ILK: variants seen among roughly 807,000 people sequenced by gnomAD.
ILK encodes the protein integrin linked kinase, also known as scaffold protein ILK.
Under a neutral mutation model 57.8 loss-of-function variants are expected in ILK, and 37 were observed. The observed-to-expected ratio is 0.64, with a 90% CI of 0.49 to 0.84. The LOEUF (loss-of-function observed/expected upper bound fraction) is 0.84. ILK is among the 40% of genes least tolerant of loss of function. ILK has a pLI of 0.00. For synonymous variants in ILK, 231 were observed against 202.2 expected (o/e 1.14, Z -1.21); for missense variants, 528 against 595.7 (o/e 0.89, Z 1.18).
At position 6,609,543 on chromosome 11, in the gene ILK, C is replaced by G; in HGVS notation, c.760C>G (p.Leu254Val). The G allele has an allele frequency of 1.9e-6, 3 of 1,614,180 alleles. No individual in the cohort carries two copies. The highest frequency in any genetic ancestry group is 2.5e-6 in the Non-Finnish European group (3 of 1,180,028). ...CTCGCATCCAAATGTGCTCCCAGTGCTAGGTGCCTGCCAGTCTCCACCTGC... is the reference window on the plus strand; with the variant it reads ...CTCGCATCCAAATGTGCTCCCAGTGGTAGGTGCCTGCCAGTCTCCACCTGC... ...IFSHPNVLPV[L>V]GACQSPPAPH... Residue 254 changes from leucine to valine, a missense_variant, in exon 9 of 13, where the codon CTA (leucine) becomes GTA (valine). By Grantham distance (32) the Leu-to-Val change is conservative. Coordinates refer to ENST00000299421, the MANE Select transcript of ILK (RefSeq NM_004517.4).
rs1327210641 is a variant in ILK at position 6,609,942 on chromosome 11, G to A, written c.985G>A (p.Glu329Lys). 2 of 1,614,128 alleles carry A rather than the reference G, an allele frequency of 1.2e-6. No individual in the cohort carries two copies. Among genetic ancestry groups the A allele is most frequent in the South Asian group, 1.1e-5 (1 of 91,090 alleles). ...TCTGTTTTCTCTTCCTCAGATTGAT[G>A]AGGACATGACTGCCCGAATTAGCAT... is the stretch of plus-strand genomic sequence containing the variant. ...ALNSRSVMID[E>K]DMTARISMAD... Residue 329 changes from glutamate to lysine, a missense_variant, in exon 11 of 13, where the codon GAG becomes AAG. Glu to Lys is a moderately conservative substitution (Grantham distance 56). Transcript: ENST00000299421.
chr11:6,608,457 G>A lies in ILK; in HGVS notation c.319G>A (p.Ala107Thr). 1 of 1,614,124 alleles carries A rather than the reference G, an allele frequency of 6.2e-7. No individual in the cohort carries two copies. Among genetic ancestry groups the A allele is most frequent in the African/African-American group, 1.3e-5 (1 of 75,066 alleles). Residue 107 changes from alanine to threonine, a missense_variant, in exon 4 of 13, where the codon GCC (alanine) becomes ACC (threonine). Transcript: ENST00000299421. This position sits in a 1 kb window ranked among gnomAD's most constrained non-coding sequence, Gnocchi z 4.9. ...NEHGNVPLHYACFWGQDQVAE... is the reference protein window; with the variant it reads ...NEHGNVPLHYTCFWGQDQVAE... Reference sequence around the variant, plus strand: ...ACACGGGAATGTGCCCCTGCACTATGCCTGTTTTTGGGGCCAAGATCAAGT... The same window carrying A: ...ACACGGGAATGTGCCCCTGCACTATACCTGTTTTTGGGGCCAAGATCAAGT...
intron 2 of ILK, chr11:6,604,888 A>G (rs765298466): frequency 8.8e-6 from 4 of 456,438 alleles, no homozygotes; most frequent in South Asian, 6.2e-5. Flanking sequence ...GCAGGTGGAA[A>G]GGAGGCAATT....
chr11:6,610,052 T>C lies in ILK; in HGVS notation c.1078+17T>C. On this transcript the variant is annotated intron_variant, in intron 11 of 12. Coordinates refer to ENST00000299421, the MANE Select transcript of ILK (RefSeq NM_004517.4). ...CCCCCGAAGGTGAGTGAAGTCATCA[T>C]GTCGGGAGGTAAAAAAGGACCACCT... 2.5e-6 allele frequency: 4 copies of C among 1,614,102 alleles called. No homozygotes were observed. Among genetic ancestry groups the C allele is most frequent in the Non-Finnish European group, 3.4e-6 (4 of 1,179,968 alleles).
chr11:6,604,141 A>T, intron 1 of ILK, 39 bp from the exon 2 acceptor site: 1 of 829,908 alleles, frequency 1.2e-6, no homozygotes, highest in Non-Finnish European at 2.0e-6. Context: ...GACGCAGCTC[A>T]GGCCCCCTAC....
chr11:6,604,416 G>T lies in ILK; in HGVS notation c.89+56G>T. 3 of 1,464,570 alleles carry T rather than the reference G, an allele frequency of 2.0e-6. 1 individual carries two copies. Among genetic ancestry groups the T allele is most frequent in the South Asian group, 2.4e-5 (2 of 82,902 alleles). The allele number at this position is 1,464,570 out of a possible 1,614,324, so 90.7% of individuals were successfully genotyped here. A position where few individuals can be genotyped will look rare whatever the true frequency, so the allele number is the denominator to read the frequency against. On this transcript the variant is annotated intron_variant, in intron 2 of 12. Transcript: ENST00000299421. ...AGGCTAGAGATCTCCTGGCTACGTG[G>T]AGTGGAGTGCTCATGTCTGGTGGTG...
rs1855167580 is a variant in ILK at position 6,608,513 on chromosome 11, T to G, written c.351+24T>G. ...AGGTGAGTACTCAGCCCTTAATTCCTGAGATGGGTAGGAAGTAAAGTCTGA... is the reference window on the plus strand; with the variant it reads ...AGGTGAGTACTCAGCCCTTAATTCCGGAGATGGGTAGGAAGTAAAGTCTGA... On this transcript the variant is annotated intron_variant, in intron 4 of 12. Coordinates refer to ENST00000299421, the MANE Select transcript of ILK (RefSeq NM_004517.4). This position sits in a 1 kb window ranked among gnomAD's most constrained non-coding sequence, Gnocchi z 4.9. The G allele has an allele frequency of 4.4e-6, 7 of 1,582,138 alleles. No homozygotes were observed. The East Asian group carries it at 1.6e-4, about 35-fold the overall frequency.
chr11:6,610,000 G>A lies in ILK; in HGVS notation c.1043G>A (p.Gly348Asp). Residue 348 changes from glycine to aspartate, a missense_variant, in exon 11 of 13, where the codon GGT becomes GAT. Gly to Asp is a moderately conservative substitution (Grantham distance 94). Transcript: ENST00000299421. ...GTCAAGTTCTCTTTCCAATGTCCTG[G>A]TCGCATGTATGCACCTGCCTGGGTA... Reference protein sequence around the residue: ...ADVKFSFQCPGRMYAPAWVAP... With the variant: ...ADVKFSFQCPDRMYAPAWVAP... The A allele has an allele frequency of 2.5e-6, 4 of 1,614,172 alleles. No homozygotes were observed. The highest frequency in any genetic ancestry group is 3.4e-6 in the Non-Finnish European group (4 of 1,180,038).
At chr11:6,609,700 T>G in intron 9 of ILK, 24 bp from the exon 10 acceptor site, 7 of 1,614,212 alleles carry the variant, frequency 4.3e-6, no homozygotes, top group Non-Finnish European at 5.9e-6. Flanking sequence ...CTCTCTGAAC[T>G]ATTTGACTTT....
chr11:6,605,990 A>G (rs550537447), intron 2 of ILK, among the ~76,000 whole-genome samples: 13 of 152,314 alleles, frequency 8.5e-5, no homozygotes, highest in Non-Finnish European at 1.6e-4. Flanking sequence ...CCTGACCAAC[A>G]TGGTGAAACC....
intron 2 of ILK, among the ~76,000 whole-genome samples, chr11:6,605,744 G>A (rs1854836346): frequency 6.6e-6 from 1 of 152,122 alleles, no homozygotes; most frequent in Non-Finnish European, 1.5e-5. Flanking sequence ...TGTGAGTGTT[G>A]TTTCAGAATA....
Position 6,609,115 on chromosome 11 carries a change from C to A in ILK, c.577C>A (p.Leu193Ile). ...ACACTCTGGCATTGACTTCAAACAG[C>A]TTAACTTCCTGACGAAGCTCAACGA... ...NKHSGIDFKQLNFLTKLNENH... is the reference protein window; with the variant it reads ...NKHSGIDFKQINFLTKLNENH... Residue 193 changes from leucine to isoleucine, a missense_variant, in exon 7 of 13, where the codon CTT (leucine) becomes ATT (isoleucine). Leu to Ile is a conservative substitution (Grantham distance 5). Transcript: ENST00000299421. The A allele has an allele frequency of 6.2e-7, 1 of 1,614,202 alleles. No individual in the cohort carries two copies. Among genetic ancestry groups the A allele is most frequent in the Non-Finnish European group, 8.5e-7 (1 of 1,180,018 alleles).
chr11:6,610,030 C>T lies in ILK; in HGVS notation c.1073C>T (p.Pro358Leu). 1 of 1,614,158 alleles carries T rather than the reference C, an allele frequency of 6.2e-7. No individual in the cohort carries two copies. Among genetic ancestry groups the T allele is most frequent in the Non-Finnish European group, 8.5e-7 (1 of 1,180,040 alleles). Residue 358 changes from proline to leucine, a missense_variant, in exon 11 of 13, where the codon CCC (proline) becomes CTC (leucine). By Grantham distance (98) the Pro-to-Leu change is moderately conservative (BLOSUM62 -3). Transcript: ENST00000299421. ...ATGTATGCACCTGCCTGGGTAGCCC[C>T]CGAAGGTGAGTGAAGTCATCATGTC... ...GRMYAPAWVA[P>L]EALQKKPEDT...
At chr11:6,609,666 G>A (rs754592199) in intron 9 of ILK, 27 bp downstream of exon 9, 3 of 1,614,094 alleles carry the variant, frequency 1.9e-6, no homozygotes, top group Admixed American at 3.3e-5. Context: ...AATTTCCTTG[G>A]GGAGGAAATG....
At chr11:6,607,917 G>C in intron 2 of ILK, 129 bp from the exon 3 acceptor site, 1 of 943,708 alleles carries the variant, frequency 1.1e-6, no homozygotes, top group Non-Finnish European at 1.6e-6. Flanking sequence ...GGAGTTGCTG[G>C]CATGAATGAG....
intron 1 of ILK, 96 bp downstream of exon 1, chr11:6,603,918 C>G (rs965520454): frequency 2.2e-6 from 1 of 455,600 alleles, no homozygotes; most frequent in Non-Finnish European, 4.0e-6. Flanking sequence ...CCCCGGTCCC[C>G]TCTCCCAGAG....
rs1251680005 is a variant in ILK, at chr11:6,604,239, C to T, written c.-33C>T. ...ATCACTCCACAGTCCTCAGGCTTCCCCAATCCAGGGGACTCGGCGCCGGGA... is the reference window on the plus strand; with the variant it reads ...ATCACTCCACAGTCCTCAGGCTTCCTCAATCCAGGGGACTCGGCGCCGGGA... On this transcript the variant is annotated 5_prime_UTR_variant, in exon 2 of 13. Coordinates refer to ENST00000299421, the MANE Select transcript of ILK (RefSeq NM_004517.4). The T allele has an allele frequency of 1.6e-5, 26 of 1,589,898 alleles. No homozygotes were observed. The highest frequency in any genetic ancestry group is 2.2e-5 in the Non-Finnish European group (26 of 1,165,126).
Position 6,603,833 on chromosome 11 carries a change from G to A in ILK, c.-93+11G>A. Reference sequence around the variant, plus strand: ...GCAGCCCGAGTCCCGGTGAGTGCGAGAGGACCCGCGCCCCCTGTCACCCCT... The same window carrying A: ...GCAGCCCGAGTCCCGGTGAGTGCGAAAGGACCCGCGCCCCCTGTCACCCCT... On this transcript the variant is annotated intron_variant, in intron 1 of 12. Transcript: ENST00000299421. 1 of 357,070 alleles carries A rather than the reference G, an allele frequency of 2.8e-6. No individual in the cohort carries two copies. Among genetic ancestry groups the A allele is most frequent in the Non-Finnish European group, 5.1e-6 (1 of 196,016 alleles). 22.1% of individuals were successfully genotyped at this position (357,070 alleles called of 1,614,324 possible). A position where few individuals can be genotyped will look rare whatever the true frequency, so the allele number is the denominator to read the frequency against.
intron 10 of ILK, 39 bp downstream of exon 10, chr11:6,609,884 G>A (rs760243399): frequency 1.9e-6 from 3 of 1,614,060 alleles, no homozygotes; most frequent in East Asian, 4.5e-5. Flanking sequence ...GGCCCCAAAA[G>A]CCCTTTGCCT....
Sources: allele counts gnomAD v4.1 joint callset (sites outside exome capture counted in the v4.1 genomes callset), GRCh38; gene constraint gnomAD v4.1.1; non-coding constraint Gnocchi (gnomAD v3.1); transcripts MANE v1.5; gene names NCBI Gene and HGNC (gene_info 2026-07-23, HGNC 2026-07-21).